Variants in MCTP1 observed in about 807,000 individuals in gnomAD.
MCTP1 encodes multiple C2 and transmembrane domain-containing protein 1.
A neutral mutation model predicts 120.6 loss-of-function variants in MCTP1; 69 were observed. That is an observed-to-expected ratio of 0.57 (90% confidence interval 0.47 to 0.70). MCTP1 has a LOEUF of 0.70. Ranked by LOEUF, MCTP1 falls within the 30% of genes least tolerant of loss-of-function variation. The pLI, the probability that MCTP1 is intolerant of heterozygous loss-of-function variation, is 0.00. For synonymous variants in MCTP1, 529 were observed against 493.1 expected, an observed-to-expected ratio of 1.07 and a Z score of -0.96; for missense variants, 1,203 against 1,248.8, an observed-to-expected ratio of 0.96 and a Z score of 0.55.
chr5:95,258,958 G>A (rs1758181466), intron 1 of MCTP1, among the ~76,000 whole-genome samples: 1 of 152,168 alleles, frequency 6.6e-6, no homozygotes, highest in Admixed American at 6.5e-5. Context: ...AGCTATGGGA[G>A]CAGAAAATGA....
intron 2 of MCTP1, among the ~76,000 whole-genome samples, chr5:95,002,760 GA>G (rs1425280978): frequency 6.6e-6 from 1 of 152,188 alleles, no homozygotes; most frequent in African/African-American, 2.4e-5. Flanking sequence ...TTTGGACTTG[GA>G]CTTTTGGGTT....
chr5:95,083,514 G>A (rs933706129), intron 1 of MCTP1, among the ~76,000 whole-genome samples: 2 of 152,306 alleles, frequency 1.3e-5, no homozygotes, highest in African/African-American at 4.8e-5. Flanking sequence ...ACCCACGCTG[G>A]TCTAGTAAGC....
chr5:94,780,904 A>C (rs778329345), intron 18 of MCTP1, among the ~76,000 whole-genome samples: 3 of 152,130 alleles, frequency 2.0e-5, no homozygotes, highest in Non-Finnish European at 4.4e-5. Flanking sequence ...CTCACATTTA[A>C]AGTATTCACA....
chr5:94,971,325 A>G (rs1251992495), intron 2 of MCTP1, among the ~76,000 whole-genome samples: 1 of 152,158 alleles, frequency 6.6e-6, no homozygotes, highest in African/African-American at 2.4e-5. Flanking sequence ...TCTAAAATTT[A>G]TTAAATTTTT....
rs149632750 is a variant in MCTP1, at chr5:95,103,998, C to T, written c.721-86514G>A. On this transcript the variant is annotated intron_variant, in intron 1 of 22. Transcript: ENST00000515393. Reference sequence around the variant, plus strand: ...TGTGATTTCCAGTTTCTCTCTCTTACGCATTCCCACAACTCTCCATCATAT... The same window carrying T: ...TGTGATTTCCAGTTTCTCTCTCTTATGCATTCCCACAACTCTCCATCATAT... Among the ~76,000 whole-genome samples, 1,084 of 152,232 alleles carry T rather than the reference C, an allele frequency of 7.1e-3. 13 individuals are homozygous for T. The highest frequency in any genetic ancestry group is 0.025 in the African/African-American group (1,046 of 41,534).
intron 1 of MCTP1, among the ~76,000 whole-genome samples, chr5:95,140,702 A>G (rs1163537000): frequency 8.7e-6 from 1 of 115,594 alleles, no homozygotes; most frequent in Non-Finnish European, 1.7e-5. Context: ...CTAAAAAAAA[A>G]AAAAAAAAAA....
intron 5 of MCTP1, among the ~76,000 whole-genome samples, chr5:94,933,026 A>G (rs1185833521): frequency 6.6e-6 from 1 of 151,966 alleles, no homozygotes; most frequent in South Asian, 2.1e-4. Context: ...TTCTAGGGTA[A>G]AAACTAAGAC....
chr5:95,169,660 T>C (rs539198616), intron 1 of MCTP1, among the ~76,000 whole-genome samples: 79 of 152,350 alleles, frequency 5.2e-4, no homozygotes, highest in African/African-American at 1.8e-3. Context: ...CCATTTTTTC[T>C]AGATTTTCGA....
intron 1 of MCTP1, among the ~76,000 whole-genome samples, chr5:95,097,167 T>C (rs937399339): frequency 1.3e-5 from 2 of 152,130 alleles, no homozygotes; most frequent in Non-Finnish European, 2.9e-5. Context: ...AAATAATCAA[T>C]GTTAATGTAT....
At chr5:94,796,066 C>T (rs771120838) in intron 18 of MCTP1, among the ~76,000 whole-genome samples, 7 of 152,174 alleles carry the variant, frequency 4.6e-5, no homozygotes, top group Non-Finnish European at 8.8e-5. Context: ...CAACTATTAG[C>T]CAATACATTG....
At chr5:94,988,603 T>TC (rs1830879348) in intron 2 of MCTP1, among the ~76,000 whole-genome samples, 1 of 151,122 alleles carries the variant, frequency 6.6e-6, no homozygotes, top group Admixed American at 6.6e-5. Flanking sequence ...GTGTGTTTTT[T>TC]TTTTTTTTTT....
intron 1 of MCTP1, among the ~76,000 whole-genome samples, chr5:95,190,949 A>G (rs918212022): frequency 6.6e-6 from 1 of 152,052 alleles, no homozygotes; most frequent in African/African-American, 2.4e-5. Flanking sequence ...GGTTTGAAGC[A>G]ATATGATAAT....
At chr5:94,918,029 C>T in intron 7 of MCTP1, 56 bp from the exon 8 acceptor site, 1 of 1,323,734 alleles carries the variant, frequency 7.6e-7, no homozygotes, top group Middle Eastern at 1.9e-4. Context: ...CATTCTCAAC[C>T]CCTCATTTTG....
chr5:95,182,324 A>G (rs1219367373), intron 1 of MCTP1, among the ~76,000 whole-genome samples: 1 of 152,142 alleles, frequency 6.6e-6, no homozygotes, highest in Non-Finnish European at 1.5e-5. Context: ...AGAAAAGAGC[A>G]TGATGATTTG....
At chr5:94,951,791 C>T (rs956689157) in intron 3 of MCTP1, among the ~76,000 whole-genome samples, 9 of 152,162 alleles carry the variant, frequency 5.9e-5, no homozygotes, top group Non-Finnish European at 1.2e-4. Context: ...AAAGGTCTTC[C>T]CTTTCGTGGG....
In MCTP1 at chr5:94,900,859, A is replaced by C. The variant is rs1016581648; in HGVS notation, c.1653-6024T>G. ...AAAAAAATGCCTTCTCTTTGCAGAG[A>C]ATTGTAAGAACACAGGAATCATGGA... On this transcript the variant is annotated intron_variant, in intron 10 of 22. Transcript: ENST00000515393. 4.6e-5 allele frequency among the ~76,000 whole-genome samples: 7 copies of C among 152,232 alleles called. No homozygotes were observed. The South Asian group carries it at 1.4e-3, about 31-fold the overall frequency.
intron 1 of MCTP1, among the ~76,000 whole-genome samples, chr5:95,104,642 C>T (rs1276913966): frequency 6.6e-6 from 1 of 152,106 alleles, no homozygotes; most frequent in East Asian, 1.9e-4. Context: ...TTGTGTTCTT[C>T]TACAATACAA....
At chr5:94,926,754 A>G (rs1813233004) in intron 6 of MCTP1, among the ~76,000 whole-genome samples, 1 of 152,128 alleles carries the variant, frequency 6.6e-6, no homozygotes, top group Non-Finnish European at 1.5e-5. Flanking sequence ...CTATCCTGGA[A>G]CCCAGTTATA....
intron 3 of MCTP1, among the ~76,000 whole-genome samples, chr5:94,948,860 A>C (rs1364980317): frequency 6.6e-6 from 1 of 152,184 alleles, no homozygotes; most frequent in East Asian, 1.9e-4. Context: ...TTGATATGTG[A>C]CATTTTTTAA....
Sources: allele counts gnomAD v4.1 joint callset (sites outside exome capture counted in the v4.1 genomes callset), GRCh38; gene constraint gnomAD v4.1.1; transcripts MANE v1.5; gene names NCBI Gene and HGNC (gene_info 2026-07-23, HGNC 2026-07-21).